The following ARHGEF37 variants were observed in gnomAD, a reference collection of about 807,000 sequenced individuals.
The protein encoded by ARHGEF37 is Rho guanine nucleotide exchange factor (GEF) 37.
A neutral mutation model predicts 71.1 loss-of-function variants in ARHGEF37; 55 were observed. That is an observed-to-expected ratio of 0.77 (90% confidence interval 0.62 to 0.97). The LOEUF is 0.97. ARHGEF37 is among the 50% of genes least tolerant of loss of function. ARHGEF37 has a pLI of 0.00. For synonymous variants in ARHGEF37, 327 were observed against 350.6 expected, an observed-to-expected ratio of 0.93 and a Z score of 0.75; for missense variants, 765 against 836.8, an observed-to-expected ratio of 0.91 and a Z score of 1.06.
At chr5:149,585,490 A>G (rs55743857) in intron 1 of ARHGEF37, among the ~76,000 whole-genome samples, 5,822 of 152,250 alleles carry the variant, frequency 0.038, 383 homozygotes, top group African/African-American at 0.13. Context: ...AGCCCCAGGC[A>G]AAAAACACTA....
At chr5:149,579,813 C>T (rs888228985), upstream of ARHGEF37, among the ~76,000 whole-genome samples, 1 of 151,910 alleles carries the variant, frequency 6.6e-6, no homozygotes, top group African/African-American at 2.4e-5. Context: ...AACTCCTGAC[C>T]TCAAGTGATC....
chr5:149,627,960 TAAG>T (rs1195022008), intron 11 of ARHGEF37, among the ~76,000 whole-genome samples: 1 of 152,238 alleles, frequency 6.6e-6, no homozygotes, highest in Non-Finnish European at 1.5e-5. Context: ...AGAAAAAATA[TAAG>T]TAGTCCATAA....
At chr5:149,581,873 G>A (rs1763116302) in intron 1 of ARHGEF37, among the ~76,000 whole-genome samples, 2 of 152,284 alleles carry the variant, frequency 1.3e-5, no homozygotes, top group South Asian at 2.1e-4. Context: ...GAGGTTAGCC[G>A]GCCTGGAAAA....
intron 2 of ARHGEF37, among the ~76,000 whole-genome samples, chr5:149,600,022 T>C (rs1192796482): frequency 2.0e-5 from 3 of 152,168 alleles, no homozygotes; most frequent in African/African-American, 4.8e-5. Flanking sequence ...CATCATAGAG[T>C]GCACTAATAC....
intron 1 of ARHGEF37, among the ~76,000 whole-genome samples, chr5:149,563,738 C>T (rs1762864674): frequency 1.3e-5 from 2 of 152,228 alleles, no homozygotes; most frequent in African/African-American, 4.8e-5. Context: ...ACAACTATGA[C>T]ACGACCACTT....
intron 4 of ARHGEF37, among the ~76,000 whole-genome samples, chr5:149,613,301 T>C (rs924537030): frequency 2.0e-5 from 3 of 151,898 alleles, no homozygotes; most frequent in African/African-American, 7.2e-5. Flanking sequence ...TATTTATAGA[T>C]AGAGAGACAC....
chr5:149,623,949 C>T (rs1561808808), intron 9 of ARHGEF37, 63 bp from the exon 10 acceptor site: 23 of 1,525,532 alleles, frequency 1.5e-5, no homozygotes, highest in Non-Finnish European at 1.9e-5. Context: ...AAACCCAAAG[C>T]AAGCCAGGGA....
At chr5:149,600,621 T>C (rs1485439215) in intron 2 of ARHGEF37, among the ~76,000 whole-genome samples, 2 of 151,314 alleles carry the variant, frequency 1.3e-5, no homozygotes, top group Non-Finnish European at 2.9e-5. Context: ...TCCTCTCTTC[T>C]TGTAGAGTAA....
intron 1 of ARHGEF37, among the ~76,000 whole-genome samples, chr5:149,592,761 T>C (rs1393840876): frequency 6.6e-6 from 1 of 152,134 alleles, no homozygotes; most frequent in Admixed American, 6.6e-5. Context: ...TTTTTTGGTT[T>C]GTTTGTTTTT....
chr5:149,595,709 C>T (rs781192501), intron 1 of ARHGEF37, among the ~76,000 whole-genome samples: 4 of 152,148 alleles, frequency 2.6e-5, no homozygotes, highest in Admixed American at 6.6e-5. Context: ...AGGTTAAAGA[C>T]GTGTCCTTCT....
At chr5:149,609,465 G>A (rs559971606) in intron 3 of ARHGEF37, 83 bp from the exon 4 acceptor site, 43 of 1,470,942 alleles carry the variant, frequency 2.9e-5, no homozygotes, top group Non-Finnish European at 4.1e-5. Context: ...GAGCTGGAGG[G>A]GTTTACTTAC....
chr5:149,570,498 C>T (rs1008440279), intron 1 of ARHGEF37, among the ~76,000 whole-genome samples: 1 of 151,056 alleles, frequency 6.6e-6, no homozygotes, highest in African/African-American at 2.4e-5. Context: ...ATCGCTTGAA[C>T]CCAGGAGGCG....
chr5:149,609,239 T>C (rs1374894922), intron 3 of ARHGEF37, among the ~76,000 whole-genome samples: 2 of 152,214 alleles, frequency 1.3e-5, no homozygotes, highest in Non-Finnish European at 2.9e-5. Context: ...TTTTGTGTAC[T>C]ATAAAGCACT....
chr5:149,565,350 C>T (rs1762885631), intron 1 of ARHGEF37, among the ~76,000 whole-genome samples: 1 of 152,162 alleles, frequency 6.6e-6, no homozygotes, highest in Admixed American at 6.6e-5. Context: ...ATTGTGTCCT[C>T]AGCATTAGCA....
chr5:149,558,713 GTGTGTGTGTGTGTGTGTGTGTGTGTA>G (rs1371575595), intron 1 of ARHGEF37, among the ~76,000 whole-genome samples: 3 of 133,304 alleles, frequency 2.3e-5, no homozygotes, highest in Non-Finnish European at 4.7e-5. Flanking sequence ...GTGTGTGTGT[GTGTGTGTGTGTGTGTGTGTGTGTGTA>G]TATATATTTT....
At chr5:149,594,178 G>A (rs999267278) in intron 1 of ARHGEF37, among the ~76,000 whole-genome samples, 1 of 152,164 alleles carries the variant, frequency 6.6e-6, no homozygotes, top group Non-Finnish European at 1.5e-5. Flanking sequence ...TTCCTGCTAG[G>A]AGGTCTAGAT....
In ARHGEF37 at chr5:149,632,439, G is replaced by A; in HGVS notation, c.*248G>A. The A allele has an allele frequency of 1.9e-6, 1 of 519,016 alleles. No individual in the cohort carries two copies. The highest frequency in any genetic ancestry group is 3.3e-5 in the East Asian group (1 of 30,350). 32.2% of individuals were successfully genotyped at this position (519,016 alleles called of 1,614,324 possible). On this transcript the variant is annotated 3_prime_UTR_variant, in exon 13 of 13. Coordinates refer to ENST00000333677, the MANE Select transcript of ARHGEF37 (RefSeq NM_001001669.3). The stretch of plus-strand genomic sequence containing the variant: ...CATAAAGAACTCATTCCGACCTGGG[G>A]TCACAATGCACTTGGACAGCAGGTC...
At chr5:149,599,066 G>T (rs1018350687) in intron 2 of ARHGEF37, among the ~76,000 whole-genome samples, 5 of 152,116 alleles carry the variant, frequency 3.3e-5, no homozygotes, top group Non-Finnish European at 5.9e-5. Context: ...CAAACCAGGG[G>T]AGCCCTCACT....
intron 6 of ARHGEF37, 152 bp downstream of exon 6, chr5:149,618,458 C>A (rs1163461256): frequency 7.9e-7 from 1 of 1,261,918 alleles, no homozygotes; most frequent in Non-Finnish European, 1.1e-6. Flanking sequence ...GGTGGCACCC[C>A]ACTTGATTCT....
Sources: allele counts gnomAD v4.1 joint callset (sites outside exome capture counted in the v4.1 genomes callset), GRCh38; gene constraint gnomAD v4.1.1; transcripts MANE v1.5; gene names NCBI Gene and HGNC (gene_info 2026-07-23, HGNC 2026-07-21).